KARS1: variants seen among roughly 807,000 people sequenced by gnomAD.
KARS1 encodes lysyl-tRNA synthetase 1.
A neutral mutation model predicts 63.9 loss-of-function variants in KARS1; 50 were observed. The ratio of observed to expected loss-of-function variants is 0.78; its 90% CI spans 0.62 to 0.99. KARS1 has a LOEUF of 0.99. Among genes scored for constraint, KARS1 ranks in the 50% least tolerant of loss-of-function variants. The pLI, the probability that KARS1 is intolerant of heterozygous loss-of-function variation, is 0.00. For synonymous variants in KARS1, 320 were observed against 264.6 expected, an observed-to-expected ratio of 1.21 and a Z score of -2.03; for missense variants, 816 against 754.5, an observed-to-expected ratio of 1.08 and a Z score of -0.95.
chr16:75,636,943 A>ATTT (rs869266336), intron 3 of KARS1, among the ~76,000 whole-genome samples: 1 of 116,060 alleles, frequency 8.6e-6, no homozygotes, highest in Non-Finnish European at 1.7e-5. Flanking sequence ...CCCGGCCTGC[A>ATTT]TTTTTTTTTT....
At chr16:75,645,040 C>T (rs1174097071) in intron 1 of KARS1, among the ~76,000 whole-genome samples, 3 of 152,196 alleles carry the variant, frequency 2.0e-5, no homozygotes, top group African/African-American at 7.2e-5. Flanking sequence ...TTACAGAGAT[C>T]ACCTTCTTTA....
At position 75,636,485 on chromosome 16, in the gene KARS1, C is replaced by T. The variant is rs2082162855; in HGVS notation, c.451G>A (p.Gly151Arg). The change falls in exon 4 of 14, where the codon GGG becomes AGG. Residue 151 changes from glycine (G) to arginine (R), a missense_variant. Gly to Arg is a moderately radical substitution (Grantham distance 125, BLOSUM62 -2). Coordinates refer to ENST00000302445, the MANE Select transcript of KARS1 (RefSeq NM_005548.3). ...TTGGCCATGACTTGCAACTTCACCC[C>T]CTCTCCTCGAAGATCATAGAAGATG... ...KLIFYDLRGE[G>R]VKLQVMANSR... 2 of 1,613,394 alleles carry T rather than the reference C, an allele frequency of 1.2e-6. No individual in the cohort carries two copies. The highest frequency in any genetic ancestry group is 1.7e-5 in the Admixed American group (1 of 60,000).
At chr16:75,637,992 T>C (rs1735726332) in intron 3 of KARS1, among the ~76,000 whole-genome samples, 1 of 149,506 alleles carries the variant, frequency 6.7e-6, no homozygotes, top group African/African-American at 2.5e-5. Context: ...TTTCTGAACA[T>C]GCCACAAAAA....
At chr16:75,647,274 G>A (rs1689712508) in intron 1 of KARS1, among the ~76,000 whole-genome samples, 1 of 152,228 alleles carries the variant, frequency 6.6e-6, no homozygotes, top group Admixed American at 6.5e-5. Context: ...AGCTAAGCAG[G>A]AAGTTTCGCT....
At chr16:75,645,452 C>A (rs977316641) in intron 1 of KARS1, among the ~76,000 whole-genome samples, 5 of 152,156 alleles carry the variant, frequency 3.3e-5, no homozygotes, top group African/African-American at 1.2e-4. Flanking sequence ...ACTCCTCTTG[C>A]AAGGTTATTA....
In KARS1 at chr16:75,637,607, C is replaced by A. The variant is rs970386466; in HGVS notation, c.389-1060G>T. Among the ~76,000 whole-genome samples, 5 of 151,792 alleles carry A rather than the reference C, an allele frequency of 3.3e-5. No individual in the cohort carries two copies. The East Asian group carries it at 7.7e-4, about 23-fold the overall frequency. On this transcript the variant is annotated intron_variant, in intron 3 of 13. Coordinates refer to ENST00000302445, the MANE Select transcript of KARS1 (RefSeq NM_005548.3). Reference sequence around the variant, plus strand: ...CCTGACCAACATGGAGAAACCCTGTCTCTACTAAAAAAAAATACAGAATTA... The same window carrying A: ...CCTGACCAACATGGAGAAACCCTGTATCTACTAAAAAAAAATACAGAATTA...
In KARS1 at chr16:75,635,665, A is replaced by G; in HGVS notation, c.795+15T>C. On this transcript the variant is annotated intron_variant, in intron 6 of 13. Transcript: ENST00000302445. ...GCAAGGCAGCTCATCACGTCAGGCA[A>G]GGAACTCTCCTTACCTCTAGGAATC... is the stretch of plus-strand genomic sequence containing the variant. 1 of 1,613,482 alleles carries G rather than the reference A, an allele frequency of 6.2e-7. No homozygotes were observed. The highest frequency in any genetic ancestry group is 8.5e-7 in the Non-Finnish European group (1 of 1,179,880).
intron 1 of KARS1, among the ~76,000 whole-genome samples, chr16:75,647,056 C>A (rs1210200058): frequency 2.6e-5 from 4 of 152,160 alleles, no homozygotes; most frequent in Non-Finnish European, 4.4e-5. Flanking sequence ...ACTTAATACT[C>A]ACAGGTATCT....
intron 1 of KARS1, among the ~76,000 whole-genome samples, chr16:75,646,092 G>A (rs1429731217): frequency 6.6e-6 from 1 of 152,162 alleles, no homozygotes; most frequent in Non-Finnish European, 1.5e-5. Context: ...CTCTAAGGTA[G>A]CAGTCCAAAG....
At position 75,629,537 on chromosome 16, in the gene KARS1, G is replaced by A. The variant is rs747912168; in HGVS notation, c.1429C>T (p.Arg477Cys). ...QIMSPLAKWH[R>C]SKEGLTERFE... ...CGCTCAGTCAGACCCTCTTTAGAGCGGTGCCTAGGGACAGGAGACCAAAGA... is the reference window on the plus strand; with the variant it reads ...CGCTCAGTCAGACCCTCTTTAGAGCAGTGCCTAGGGACAGGAGACCAAAGA... Residue 477 changes from arginine (R) to cysteine (C), a missense_variant, in exon 12 of 14, where the codon CGC becomes TGC. Coordinates refer to ENST00000302445, the MANE Select transcript of KARS1 (RefSeq NM_005548.3). The A allele has an allele frequency of 4.3e-6, 7 of 1,613,892 alleles. No individual in the cohort carries two copies. Among genetic ancestry groups the A allele is most frequent in the African/African-American group, 1.3e-5 (1 of 74,944 alleles).
intron 2 of KARS1, among the ~76,000 whole-genome samples, 187 bp downstream of exon 2, chr16:75,641,377 T>TG (rs1260034958): frequency 6.6e-6 from 1 of 152,094 alleles, no homozygotes; most frequent in Non-Finnish European, 1.5e-5. Context: ...AAATGCCTTT[T>TG]GGGGGTTGAC....
Position 75,635,942 on chromosome 16 carries a change from T to A in KARS1, c.639A>T (p.Leu213Phe). 6.2e-7 allele frequency: 1 copy of A among 1,614,150 alleles called. No individual in the cohort carries two copies. The highest frequency in any genetic ancestry group is 8.5e-7 in the Non-Finnish European group (1 of 1,180,030). The stretch of plus-strand genomic sequence containing the variant: ...CTTTGAGGCCAAAGTGAAGATGAGG[T>A]AACATATGCAAACAGGGAGACAGCA... ...ITLLSPCLHM[L>F]PHLHFGLKDK... The change falls in exon 5 of 14, where the codon TTA becomes TTT. Residue 213 changes from leucine to phenylalanine, a missense_variant. By Grantham distance (22) the Leu-to-Phe change is conservative (BLOSUM62 0). Transcript: ENST00000302445.
chr16:75,635,550 G>A, intron 6 of KARS1, 130 bp downstream of exon 6: 1 of 1,069,106 alleles, frequency 9.4e-7, no homozygotes, highest in East Asian at 2.5e-5. Context: ...ACGATGGCAA[G>A]AAAAGGGGAC....
intron 1 of KARS1, among the ~76,000 whole-genome samples, chr16:75,646,333 G>A: frequency 6.6e-6 from 1 of 152,098 alleles, no homozygotes; most frequent in Non-Finnish European, 1.5e-5. Flanking sequence ...ACAAGGTAAC[G>A]AGATTGAGAC....
chr16:75,629,849 C>G (rs1055534020), intron 11 of KARS1, among the ~76,000 whole-genome samples: 1 of 152,220 alleles, frequency 6.6e-6, no homozygotes, highest in Non-Finnish European at 1.5e-5. Flanking sequence ...TAATTGAATT[C>G]TAGTGGACTC....
intron 6 of KARS1, among the ~76,000 whole-genome samples, chr16:75,634,657 G>A (rs374677853): frequency 1.3e-5 from 2 of 152,118 alleles, no homozygotes; most frequent in South Asian, 2.1e-4. Context: ...CTCATGGCAA[G>A]CTCCGCCTCC....
chr16:75,628,011 G>A lies in KARS1; in HGVS notation c.1696-18C>T. The stretch of plus-strand genomic sequence containing the variant: ...AGTACTTCCTGTGGGAGATAAGAAT[G>A]TACCTTGAAGCTGAGAAGCACTCTC... On this transcript the variant is annotated intron_variant, in intron 13 of 13. Transcript: ENST00000302445. The A allele has an allele frequency of 1.4e-6, 2 of 1,431,764 alleles. No individual in the cohort carries two copies. The highest frequency in any genetic ancestry group is 2.0e-6 in the Non-Finnish European group (2 of 1,013,758). 88.7% of individuals were successfully genotyped at this position (1,431,764 alleles called of 1,614,324 possible). A position where few individuals can be genotyped will look rare whatever the true frequency, so the allele number is the denominator to read the frequency against.
chr16:75,641,917 A>C (rs1353999943), intron 1 of KARS1, among the ~76,000 whole-genome samples, 194 bp from the exon 2 acceptor site: 2 of 152,240 alleles, frequency 1.3e-5, no homozygotes, highest in African/African-American at 4.8e-5. Context: ...ACACAAAGGG[A>C]AAAATAAGCT....
intron 7 of KARS1, among the ~76,000 whole-genome samples, chr16:75,632,789 T>C (rs2082126717): frequency 1.3e-5 from 2 of 152,174 alleles, no homozygotes; most frequent in Non-Finnish European, 1.5e-5. Context: ...TCACTCAGGA[T>C]GGTGGCAGAA....
Sources: allele counts gnomAD v4.1 joint callset (sites outside exome capture counted in the v4.1 genomes callset), GRCh38; gene constraint gnomAD v4.1.1; transcripts MANE v1.5; gene names NCBI Gene and HGNC (gene_info 2026-07-23, HGNC 2026-07-21).